GANC: variants seen among roughly 807,000 people sequenced by gnomAD.
The protein encoded by GANC is glucosidase alpha, neutral C, also known as neutral alpha-glucosidase C.
In GANC, 117 loss-of-function variants were observed where a neutral mutation model predicts 124.2. The observed-to-expected ratio is 0.94, with a 90% CI of 0.81 to 1.10. The LOEUF is 1.10. Ranked by LOEUF, GANC falls within the 50% of genes least tolerant of loss-of-function variation. GANC has a pLI of 0.00. For missense variants in GANC, 1,140 were observed against 1,095.0 expected (o/e 1.04, Z -0.58); for synonymous variants, 377 against 376.8 (o/e 1.00, Z -0.01).
chr15:42,319,872 T>C (rs1417785262), intron 10 of GANC, among the ~76,000 whole-genome samples: 1 of 152,140 alleles, frequency 6.6e-6, no homozygotes, highest in East Asian at 1.9e-4. Context: ...TTGAGTGTCA[T>C]GTTGGTGTTC....
At chr15:42,349,086 G>A (rs1266953268) in intron 21 of GANC, among the ~76,000 whole-genome samples, 2 of 152,104 alleles carry the variant, frequency 1.3e-5, no homozygotes, top group Non-Finnish European at 2.9e-5. Context: ...TGGCCTTGTT[G>A]TCACATTCTG....
intron 3 of GANC, among the ~76,000 whole-genome samples, chr15:42,284,590 G>C (rs553475730): frequency 1.3e-5 from 2 of 152,262 alleles, no homozygotes; most frequent in South Asian, 2.1e-4. Context: ...TCTTTTCTCT[G>C]AGGATTTATC....
Position 42,340,674 on chromosome 15 carries a change from T to G in GANC, c.2088-16T>G. ...TGTCTATAATGTTAAAACAATAATT[T>G]TTTTTCTTTCCCCAGGCCTCTGTGG... On this transcript the variant is annotated splice_polypyrimidine_tract_variant and intron_variant, in intron 17 of 23. Transcript: ENST00000318010. 1 of 1,576,510 alleles carries G rather than the reference T, an allele frequency of 6.3e-7. No homozygotes were observed. The highest frequency in any genetic ancestry group is 8.6e-7 in the Non-Finnish European group (1 of 1,163,940).
chr15:42,343,256 C>A, intron 19 of GANC, 102 bp downstream of exon 19: 9 of 947,146 alleles, frequency 9.5e-6, no homozygotes, highest in Non-Finnish European at 1.5e-5. Flanking sequence ...TGAACACACC[C>A]CAGATGACTA....
chr15:42,295,504 A>G (rs557045397), intron 5 of GANC, among the ~76,000 whole-genome samples: 6 of 152,230 alleles, frequency 3.9e-5, no homozygotes, highest in South Asian at 4.2e-4. Flanking sequence ...ATATAAAACA[A>G]TATTTCTGTA....
rs2051613186 is a variant in GANC, at chr15:42,273,625, G to C, written c.-857G>C. The C allele has an allele frequency of 7.3e-5, 49 of 667,666 alleles. No individual in the cohort carries two copies. The South Asian group carries it at 9.4e-4, about 13-fold the overall frequency. 41.4% of individuals were successfully genotyped at this position (667,666 alleles called of 1,614,324 possible). ...TGTTGGAACCTGGTCAGCTGGGTTA[G>C]AGAGATCGCTACATGCCAGCCTGGC... On this transcript the variant is annotated 5_prime_UTR_variant, in exon 1 of 24. Coordinates refer to ENST00000318010, the MANE Select transcript of GANC (RefSeq NM_198141.3).
At chr15:42,289,782 G>A (rs1001792640) in intron 4 of GANC, among the ~76,000 whole-genome samples, 8 of 152,146 alleles carry the variant, frequency 5.3e-5, no homozygotes, top group Non-Finnish European at 4.4e-5. Flanking sequence ...CTAACCTCTA[G>A]TACCTCAGAA....
In GANC at chr15:42,274,184, G is replaced by A. The variant is rs2051625314; in HGVS notation, c.-298G>A. 5.0e-6 allele frequency: 2 copies of A among 401,000 alleles called. No homozygotes were observed. The highest frequency in any genetic ancestry group is 9.1e-6 in the Non-Finnish European group (2 of 219,174). 24.8% of individuals were successfully genotyped at this position (401,000 alleles called of 1,614,324 possible). On this transcript the variant is annotated 5_prime_UTR_variant, in exon 1 of 24. Coordinates refer to ENST00000318010, the MANE Select transcript of GANC (RefSeq NM_198141.3). ...ACCCTCTAGGACTCATTGCGTACAC[G>A]CCCTCACCGCCGCCCAGTTTCGGTT...
intron 15 of GANC, among the ~76,000 whole-genome samples, chr15:42,332,558 C>T (rs564048358): frequency 2.6e-4 from 39 of 152,194 alleles, no homozygotes; most frequent in Admixed American, 1.6e-3. Context: ...TCTGACTAAA[C>T]AATAGTATGA....
chr15:42,295,081 C>T (rs1397146087), intron 5 of GANC, among the ~76,000 whole-genome samples: 1 of 150,328 alleles, frequency 6.7e-6, no homozygotes, highest in Non-Finnish European at 1.5e-5. Context: ...ATGCCATTCT[C>T]CCACCTTAGC....
At chr15:42,284,466 T>C (rs4923938) in intron 3 of GANC, 150,359 of 156,154 alleles carry the variant, frequency 0.96, 72,588 homozygotes, top group Non-Finnish European at 1. Context: ...AGAAATAAGA[T>C]AGAAAAAGAG....
intron 3 of GANC, among the ~76,000 whole-genome samples, chr15:42,278,851 C>T (rs1375256163): frequency 6.6e-6 from 1 of 152,036 alleles, no homozygotes; most frequent in African/African-American, 2.4e-5. Flanking sequence ...AAAAATTATC[C>T]AGGCACAGTG....
chr15:42,287,558 T>A (rs1052615966), intron 3 of GANC, 133 bp from the exon 4 acceptor site: 6 of 839,782 alleles, frequency 7.1e-6, no homozygotes, highest in East Asian at 6.0e-5. Context: ...CTTTTTTTTT[T>A]AATTGCCATT....
At chr15:42,350,450 C>A (rs2052418480) in intron 22 of GANC, among the ~76,000 whole-genome samples, 1 of 152,000 alleles carries the variant, frequency 6.6e-6, no homozygotes, top group African/African-American at 2.4e-5. Context: ...ATATCCAAGT[C>A]ACATTTGTAA....
In GANC at chr15:42,306,598, A is replaced by G. The variant is rs2051998634; in HGVS notation, c.611A>G (p.Asp204Gly). The part of the protein sequence containing the change: ...LWEEKFGKFV[D>G]IKANGPSSIG... ...GAAGAGAAATTTGGAAAATTTGTGG[A>G]TATCAAAGCTAATGGTAAAATTGAA... is the stretch of plus-strand genomic sequence containing the variant. Residue 204 changes from aspartate to glycine, a missense_variant, in exon 7 of 24, where the codon GAT becomes GGT. By Grantham distance (94) the Asp-to-Gly change is moderately conservative. Coordinates refer to ENST00000318010, the MANE Select transcript of GANC (RefSeq NM_198141.3). 6 of 1,610,288 alleles carry G rather than the reference A, an allele frequency of 3.7e-6. No homozygotes were observed. The highest frequency in any genetic ancestry group is 1.3e-5 in the African/African-American group (1 of 74,826).
intron 3 of GANC, among the ~76,000 whole-genome samples, chr15:42,280,764 A>G (rs1008090133): frequency 2.0e-5 from 3 of 152,204 alleles, no homozygotes; most frequent in African/African-American, 7.2e-5. Context: ...AAATGAGGCA[A>G]AATCACCCGG....
chr15:42,304,226 G>A (rs577357717), intron 6 of GANC, among the ~76,000 whole-genome samples: 25 of 152,174 alleles, frequency 1.6e-4, no homozygotes, highest in Non-Finnish European at 2.4e-4. Context: ...ACAACTACAT[G>A]GAAACTGAAC....
Position 42,273,338 on chromosome 15 carries a change from G to A in GANC, c.-1144G>A, listed in dbSNP as rs2051600673. The A allele has an allele frequency of 6.2e-7, 1 of 1,614,100 alleles. No individual in the cohort carries two copies. Among genetic ancestry groups the A allele is most frequent in the South Asian group, 1.1e-5 (1 of 91,084 alleles). On this transcript the variant is annotated 5_prime_UTR_variant, in exon 1 of 24. Coordinates refer to ENST00000318010, the MANE Select transcript of GANC (RefSeq NM_198141.3). ...GCACTGAAAAACGACAGTGGTGACG[G>A]GTGAGCTCCCAGAAGCAGAAGAATG...
chr15:42,343,081 G>A lies in GANC; in HGVS notation c.2156G>A (p.Ser719Asn), dbSNP rs2052338867. The change falls in exon 19 of 24, where the codon AGT becomes AAT. Residue 719 changes from serine (S) to asparagine (N), a missense_variant. Physicochemically the swap from Ser to Asn is conservative, Grantham distance 46 (BLOSUM62 1). Coordinates refer to ENST00000318010, the MANE Select transcript of GANC (RefSeq NM_198141.3). Reference sequence around the variant, plus strand: ...TTATTTCCTCTCCATTACTTAGGGAGTGCATTATTGGTTCATCCAGTCACA... The same window carrying A: ...TTATTTCCTCTCCATTACTTAGGGAATGCATTATTGGTTCATCCAGTCACA... ...FDMEDEYMLG[S>N]ALLVHPVTEP... 2 of 1,613,168 alleles carry A rather than the reference G, an allele frequency of 1.2e-6. No individual in the cohort carries two copies. Among genetic ancestry groups the A allele is most frequent in the African/African-American group, 1.3e-5 (1 of 74,902 alleles).
Sources: gnomAD v4.1 joint callset for allele counts (sites outside exome capture counted in the v4.1 genomes callset) on GRCh38, gnomAD v4.1.1 for gene constraint, MANE v1.5 for transcripts, NCBI Gene and HGNC (gene_info 2026-07-23, HGNC 2026-07-21) for gene names.